The following CNTN4 variants were observed in gnomAD, a reference collection of about 807,000 sequenced individuals.
The protein encoded by CNTN4 is contactin 4, also known as contactin-4.
A neutral mutation model predicts 122.5 loss-of-function variants in CNTN4; 77 were observed. That is an observed-to-expected ratio of 0.63 (90% CI 0.52 to 0.76). The LOEUF is 0.76. Among genes scored for constraint, CNTN4 ranks in the 30% least tolerant of loss-of-function variants. The probability of loss-of-function intolerance (pLI) is 0.00; values close to 1 mark genes in which losing one functional copy is unlikely to be tolerated. For missense variants in CNTN4, 1,256 were observed against 1,259.1 expected (o/e 1.00, Z 0.04); for synonymous variants, 512 against 447.0 (o/e 1.15, Z -1.83).
intron 6 of CNTN4, among the ~76,000 whole-genome samples, chr3:2,765,769 T>C (rs1382679577): frequency 6.6e-6 from 1 of 152,182 alleles, no homozygotes; most frequent in Non-Finnish European, 1.5e-5. Flanking sequence ...AGAAACCTAA[T>C]TCCTTATTCA....
At chr3:2,987,882 T>C (rs1409241562) in intron 13 of CNTN4, among the ~76,000 whole-genome samples, 1 of 152,200 alleles carries the variant, frequency 6.6e-6, no homozygotes, top group Non-Finnish European at 1.5e-5. Flanking sequence ...ATTTCAGAAA[T>C]AAATATGCTT....
At chr3:2,317,367 G>A (rs1002876427) in intron 2 of CNTN4, among the ~76,000 whole-genome samples, 4 of 152,096 alleles carry the variant, frequency 2.6e-5, no homozygotes, top group South Asian at 4.1e-4. Flanking sequence ...AGAAGCTAGC[G>A]GGCAGAGGAT....
intron 6 of CNTN4, among the ~76,000 whole-genome samples, chr3:2,792,677 A>G (rs1374454888): frequency 6.6e-6 from 1 of 152,222 alleles, no homozygotes; most frequent in Non-Finnish European, 1.5e-5. Flanking sequence ...GTCAAAACCA[A>G]TTCCATTCAC....
At chr3:2,353,592 GCAACTCTGGACGGGAGGAATGAA>G (rs2044735331) in intron 3 of CNTN4, among the ~76,000 whole-genome samples, 1 of 152,014 alleles carries the variant, frequency 6.6e-6, no homozygotes, top group Non-Finnish European at 1.5e-5. Flanking sequence ...GGAGGAATGA[GCAACTCTGGACGGGAGGAATGAA>G]CAACTCCGGA....
At chr3:2,564,583 G>T (rs1041788155) in intron 3 of CNTN4, among the ~76,000 whole-genome samples, 1 of 151,932 alleles carries the variant, frequency 6.6e-6, no homozygotes, top group African/African-American at 2.4e-5. Flanking sequence ...AAACAATCTG[G>T]CCCAGTCCCG....
At chr3:3,020,758 C>G (rs1054848196) in intron 14 of CNTN4, among the ~76,000 whole-genome samples, 16 of 152,212 alleles carry the variant, frequency 1.1e-4, no homozygotes, top group African/African-American at 3.6e-4. Flanking sequence ...CTTAGCTTAT[C>G]TTCTGCCTAT....
At chr3:2,783,066 G>A (rs2091669529) in intron 6 of CNTN4, among the ~76,000 whole-genome samples, 1 of 152,040 alleles carries the variant, frequency 6.6e-6, no homozygotes, top group Non-Finnish European at 1.5e-5. Context: ...ATCACTTGAG[G>A]CCAGGAGTTC....
chr3:2,157,397 G>C (rs539661193), intron 2 of CNTN4, among the ~76,000 whole-genome samples: 1 of 152,264 alleles, frequency 6.6e-6, no homozygotes, highest in East Asian at 1.9e-4. Context: ...TGAGAAGAGA[G>C]TTGGCAAAAG....
chr3:2,887,898 T>C (rs997482482), intron 10 of CNTN4, among the ~76,000 whole-genome samples: 1 of 152,218 alleles, frequency 6.6e-6, no homozygotes, highest in Admixed American at 6.5e-5. Flanking sequence ...AGGATTTCAT[T>C]GGATAGGCAT....
intron 2 of CNTN4, among the ~76,000 whole-genome samples, chr3:2,133,049 A>G (rs2034525723): frequency 6.6e-6 from 1 of 152,172 alleles, no homozygotes; most frequent in African/African-American, 2.4e-5. Flanking sequence ...GCAGAGGGAC[A>G]AAAATGAAGG....
At chr3:2,647,146 C>T (rs2083160671) in intron 4 of CNTN4, among the ~76,000 whole-genome samples, 1 of 152,068 alleles carries the variant, frequency 6.6e-6, no homozygotes, top group South Asian at 2.1e-4. Context: ...TTTGGGAAGC[C>T]AGGGTGGGCG....
At chr3:2,136,013 T>C (rs115889093) in intron 2 of CNTN4, among the ~76,000 whole-genome samples, 246 of 152,336 alleles carry the variant, frequency 1.6e-3, no homozygotes, top group Non-Finnish European at 2.9e-3. Flanking sequence ...GTTTGTGATA[T>C]AGGCATAGCC....
intron 2 of CNTN4, among the ~76,000 whole-genome samples, chr3:2,247,819 A>G (rs999100927): frequency 4.6e-5 from 7 of 152,020 alleles, no homozygotes; most frequent in Non-Finnish European, 7.4e-5. Context: ...TATGATAATA[A>G]TAGTGTCTTA....
intron 4 of CNTN4, among the ~76,000 whole-genome samples, chr3:2,692,777 TA>T (rs1392755960): frequency 6.6e-6 from 1 of 152,158 alleles, no homozygotes; most frequent in East Asian, 1.9e-4. Flanking sequence ...TTTCATTGTA[TA>T]AAAATTTTAG....
Position 3,050,763 on chromosome 3 carries a change from C to CAAAAAAAAAAAA in CNTN4, c.2812-3035_2812-3024dup, listed in dbSNP as rs1184756504. Among the ~76,000 whole-genome samples, 50 of 84,982 alleles carry CAAAAAAAAAAAA rather than the reference C, an allele frequency of 5.9e-4. 3 individuals are homozygous for CAAAAAAAAAAAA. Among genetic ancestry groups the CAAAAAAAAAAAA allele is most frequent in the African/African-American group, 1.7e-3 (30 of 18,140 alleles). The allele number at this position is 84,982 out of a possible 152,430, so 55.8% of individuals were successfully genotyped here. On this transcript the variant is annotated intron_variant, in intron 23 of 24. Coordinates refer to ENST00000418658, the MANE Select transcript of CNTN4 (RefSeq NM_175607.3). The stretch of plus-strand genomic sequence containing the variant: ...GGGCAATAAGAGTGAAACTCCGTCT[C>CAAAAAAAAAAAA]AAAAAAAAAAAAAAAAAAAATCCAG...
At position 2,988,199 on chromosome 3, in the gene CNTN4, C is replaced by A. The variant is rs894662590; in HGVS notation, c.1359-146C>A. 16 of 743,168 alleles carry A rather than the reference C, an allele frequency of 2.2e-5. No homozygotes were observed. The African/African-American group carries it at 2.3e-4, about 10-fold the overall frequency. 46.0% of individuals were successfully genotyped at this position (743,168 alleles called of 1,614,324 possible). A position where few individuals can be genotyped will look rare whatever the true frequency, so the allele number is the denominator to read the frequency against. ...TGTTTATGTATATGTGGACAAATAC[C>A]CTAAATAAAGATGAGGCTGTCATCT... is the stretch of plus-strand genomic sequence containing the variant. On this transcript the variant is annotated intron_variant, in intron 13 of 24. Coordinates refer to ENST00000418658, the MANE Select transcript of CNTN4 (RefSeq NM_175607.3).
rs77123442 is a variant in CNTN4, at chr3:2,948,885, A to C, written c.1358+23106A>C. 1.2e-3 allele frequency among the ~76,000 whole-genome samples: 186 copies of C among 152,276 alleles called. 2 individuals are homozygous for C. In the East Asian group the frequency reaches 0.032, roughly 26 times the overall value. On this transcript the variant is annotated intron_variant, in intron 13 of 24. Coordinates refer to ENST00000418658, the MANE Select transcript of CNTN4 (RefSeq NM_175607.3). ...TTGATAAGGGGTTATGTATTAGACC[A>C]TTTTTAAAAAGGTAAAATAAACTAA... is the stretch of plus-strand genomic sequence containing the variant.
intron 3 of CNTN4, among the ~76,000 whole-genome samples, chr3:2,461,918 T>C (rs1242209051): frequency 1.3e-5 from 2 of 152,114 alleles, no homozygotes; most frequent in African/African-American, 4.8e-5. Context: ...GTGCCAGACT[T>C]TGTGTTCGGA....
chr3:2,794,992 A>C (rs535628231), intron 6 of CNTN4, among the ~76,000 whole-genome samples: 2 of 152,180 alleles, frequency 1.3e-5, no homozygotes, highest in East Asian at 3.9e-4. Flanking sequence ...TAGGATTTTA[A>C]CAGAGAATTT....
Sources: allele counts gnomAD v4.1 joint callset (sites outside exome capture counted in the v4.1 genomes callset), GRCh38; gene constraint gnomAD v4.1.1; transcripts MANE v1.5; gene names NCBI Gene and HGNC (gene_info 2026-07-23, HGNC 2026-07-21).